ANKS1B: variants seen among roughly 807,000 people sequenced by gnomAD.
ANKS1B encodes the protein ankyrin repeat and sterile alpha motif domain containing 1B, also known as ankyrin repeat and sterile alpha motif domain-containing protein 1B.
Under a neutral mutation model 148.3 loss-of-function variants are expected in ANKS1B, and 36 were observed. That is an observed-to-expected ratio of 0.24 (90% CI 0.19 to 0.32). The LOEUF (loss-of-function observed/expected upper bound fraction) is 0.32, where lower values mean the gene tolerates loss of function less well. ANKS1B is among the 10% of genes least tolerant of loss of function. The pLI is 1.00. For missense variants in ANKS1B, 1,157 were observed against 1,542.6 expected, an observed-to-expected ratio of 0.75 and a Z score of 4.19; for synonymous variants, 542 against 560.8, an observed-to-expected ratio of 0.97 and a Z score of 0.47.
exon 10 of ANKS1B, chr12:98,735,562 A>G: frequency 1.3e-6 from 1 of 769,236 alleles, no homozygotes; most frequent in Non-Finnish European, 2.4e-6. Flanking sequence ...CAATTCTATC[A>G]AAATTTTCTG....
intron 12 of ANKS1B, among the ~76,000 whole-genome samples, chr12:99,307,561 T>A (rs2154024021): frequency 6.6e-6 from 1 of 152,166 alleles, no homozygotes; most frequent in East Asian, 1.9e-4. Context: ...AGACACTTCC[T>A]TGTCATTTTA....
intron 10 of ANKS1B, among the ~76,000 whole-genome samples, chr12:99,490,540 A>G (rs986896522): frequency 6.6e-6 from 1 of 152,244 alleles, no homozygotes; most frequent in Admixed American, 6.5e-5. Flanking sequence ...ATAACACCTA[A>G]GAATAACCTA....
chr12:99,742,556 T>C (rs10400453), intron 8 of ANKS1B, among the ~76,000 whole-genome samples: 66,347 of 151,776 alleles, frequency 0.44, 14,914 homozygotes, highest in South Asian at 0.61. Flanking sequence ...AGAATTTGGC[T>C]GGGTGCAGTG....
At chr12:98,850,587 C>T (rs1471679429) in intron 17 of ANKS1B, among the ~76,000 whole-genome samples, 1 of 150,682 alleles carries the variant, frequency 6.6e-6, no homozygotes, top group Admixed American at 6.6e-5. Flanking sequence ...CCTGCCTCAG[C>T]CTTCTGAGTA....
intron 17 of ANKS1B, among the ~76,000 whole-genome samples, chr12:98,955,399 A>AGGAGCTTGCAGGAGAATGACAGGAGAGAT: frequency 6.6e-6 from 1 of 152,120 alleles, no homozygotes; most frequent in South Asian, 2.1e-4. Context: ...TTGAAGTAGA[A>AGGAGCTTGCAGGAGAATGACAGGAGAGAT]GGAGCTTGCA....
At chr12:99,935,146 C>T (rs1015458679) in intron 1 of ANKS1B, among the ~76,000 whole-genome samples, 5 of 151,804 alleles carry the variant, frequency 3.3e-5, no homozygotes, top group African/African-American at 1.2e-4. Flanking sequence ...ATAGAAAGAT[C>T]CTATTCACCT....
At chr12:98,775,784 A>AGGACTGTC (rs1396502154) in intron 24 of ANKS1B, among the ~76,000 whole-genome samples, 1 of 152,070 alleles carries the variant, frequency 6.6e-6, no homozygotes, top group Non-Finnish European at 1.5e-5. Flanking sequence ...CCAGGAGCCC[A>AGGACTGTC]GGACTGTCTT....
rs150024845 is a variant in ANKS1B, at chr12:99,975,956, A to G, written c.134+8148T>C. On this transcript the variant is annotated intron_variant, in intron 1 of 26. Transcript: ENST00000683438. ...AGACATGGAATCAATCTAGATGCCC[A>G]TCAATGGTAGACTGGACAAGAAAAT... Among the ~76,000 whole-genome samples the G allele has an allele frequency of 9.2e-5, 14 of 152,342 alleles. No homozygotes were observed. The East Asian group carries it at 2.7e-3, about 29-fold the overall frequency.
chr12:98,848,964 C>T (rs2099504619), intron 17 of ANKS1B, among the ~76,000 whole-genome samples: 1 of 151,942 alleles, frequency 6.6e-6, no homozygotes, highest in African/African-American at 2.4e-5. Flanking sequence ...GTCTCAAACT[C>T]CTGACCTCAA....
intron 10 of ANKS1B, among the ~76,000 whole-genome samples, chr12:99,481,777 G>T (rs1284090901): frequency 6.6e-6 from 1 of 151,884 alleles, no homozygotes; most frequent in East Asian, 1.9e-4. Flanking sequence ...GATTAGTGAT[G>T]CTGAACATTT....
intron 12 of ANKS1B, among the ~76,000 whole-genome samples, chr12:99,338,196 C>T (rs535953438): frequency 1.8e-4 from 28 of 152,104 alleles, no homozygotes; most frequent in Non-Finnish European, 3.2e-4. Flanking sequence ...CTTAGGAATC[C>T]GCTTGGTACT....
At chr12:98,958,079 G>GC (rs1164215275) in intron 17 of ANKS1B, among the ~76,000 whole-genome samples, 2 of 152,202 alleles carry the variant, frequency 1.3e-5, no homozygotes, top group African/African-American at 4.8e-5. Context: ...AAACCAGTGA[G>GC]CTTTACGCTC....
chr12:99,836,074 A>C (rs1388313171), intron 1 of ANKS1B, among the ~76,000 whole-genome samples: 1 of 152,244 alleles, frequency 6.6e-6, no homozygotes, highest in Non-Finnish European at 1.5e-5. Flanking sequence ...TACACTATAA[A>C]GCTTAAAAAT....
chr12:99,555,867 T>G (rs2097270759), intron 9 of ANKS1B, among the ~76,000 whole-genome samples: 1 of 152,240 alleles, frequency 6.6e-6, no homozygotes, highest in Admixed American at 6.5e-5. Context: ...TGCATCTATG[T>G]TCATCAAGGA....
chr12:99,140,902 A>T (rs1305351509), intron 15 of ANKS1B, among the ~76,000 whole-genome samples: 1 of 152,112 alleles, frequency 6.6e-6, no homozygotes, highest in Admixed American at 6.6e-5. Context: ...TATCTTCTAC[A>T]TCCTTACAGC....
intron 8 of ANKS1B, among the ~76,000 whole-genome samples, chr12:99,734,706 G>GT (rs1309267916): frequency 2.6e-5 from 4 of 152,146 alleles, no homozygotes; most frequent in Non-Finnish European, 2.9e-5. Context: ...AGTAGGTGCT[G>GT]TATCAGCTAT....
chr12:99,372,197 T>C (rs1358088793), intron 12 of ANKS1B, among the ~76,000 whole-genome samples: 1 of 152,040 alleles, frequency 6.6e-6, no homozygotes, highest in African/African-American at 2.4e-5. Context: ...GTGGGGGATG[T>C]TCATGATGGG....
chr12:98,893,038 C>T (rs940548826), intron 17 of ANKS1B, among the ~76,000 whole-genome samples: 34 of 152,284 alleles, frequency 2.2e-4, no homozygotes, highest in African/African-American at 7.2e-4. Flanking sequence ...TGCCCCCCAA[C>T]ATCATATTTC....
At chr12:99,697,979 C>G (rs6538922) in intron 8 of ANKS1B, among the ~76,000 whole-genome samples, 25,683 of 151,732 alleles carry the variant, frequency 0.17, 2,683 homozygotes, top group East Asian at 0.46. Flanking sequence ...AAAAACGGGG[C>G]AGAAAACATA....
Sources: gnomAD v4.1 joint callset for allele counts (sites outside exome capture counted in the v4.1 genomes callset) on GRCh38, gnomAD v4.1.1 for gene constraint, MANE v1.5 for transcripts, NCBI Gene and HGNC (gene_info 2026-07-23, HGNC 2026-07-21) for gene names.